Variants in PTPRD observed in about 807,000 individuals in gnomAD.
PTPRD encodes protein tyrosine phosphatase receptor type D.
A neutral mutation model predicts 214.5 loss-of-function variants in PTPRD; 34 were observed. That is an observed-to-expected ratio of 0.16 (90% CI 0.12 to 0.21). PTPRD has a LOEUF of 0.21. PTPRD is among the 10% of genes least tolerant of loss of function. The probability of loss-of-function intolerance (pLI) is 1.00; values close to 1 mark genes in which losing one functional copy is unlikely to be tolerated. For missense variants in PTPRD, 2,545 were observed against 2,398.7 expected (o/e 1.06, Z -1.27); for synonymous variants, 1,128 against 845.7 (o/e 1.33, Z -5.79).
At chr9:9,434,956 C>A (rs1056359984) in intron 8 of PTPRD, among the ~76,000 whole-genome samples, 9 of 150,246 alleles carry the variant, frequency 6.0e-5, no homozygotes, top group African/African-American at 2.2e-4. Flanking sequence ...GATAATAATA[C>A]CTGTCTCTTC....
At position 10,366,639 on chromosome 9, in the gene PTPRD, G is replaced by C. The variant is rs181856258; in HGVS notation, c.-599-25622C>G. ...TGCTATTTTTATAATTATAATCATG[G>C]GAATTCTAATTGTGAAATACATCTG... On this transcript the variant is annotated intron_variant, in intron 2 of 45. Transcript: ENST00000381196. Among the ~76,000 whole-genome samples, 67 of 152,070 alleles carry C rather than the reference G, an allele frequency of 4.4e-4. 1 individual carries two copies. Among genetic ancestry groups the C allele is most frequent in the African/African-American group, 1.4e-3 (60 of 41,496 alleles).
chr9:9,099,171 C>T (rs980665565), intron 10 of PTPRD, among the ~76,000 whole-genome samples: 3 of 152,066 alleles, frequency 2.0e-5, no homozygotes, highest in Non-Finnish European at 4.4e-5. Context: ...CAGAGCAGGC[C>T]ATGTACACAT....
At chr9:9,597,855 T>C (rs2093472506) in intron 7 of PTPRD, among the ~76,000 whole-genome samples, 1 of 152,038 alleles carries the variant, frequency 6.6e-6, no homozygotes, top group Admixed American at 6.6e-5. Flanking sequence ...TTAAATAAAA[T>C]GGAGTATGCG....
At chr9:9,974,026 T>C (rs980730965) in intron 4 of PTPRD, among the ~76,000 whole-genome samples, 1 of 152,178 alleles carries the variant, frequency 6.6e-6, no homozygotes, top group African/African-American at 2.4e-5. Flanking sequence ...ATTTAGAAAT[T>C]GTGACTCCTG....
intron 4 of PTPRD, among the ~76,000 whole-genome samples, chr9:10,006,028 A>G (rs780710535): frequency 1.7e-4 from 26 of 152,050 alleles, no homozygotes; most frequent in Non-Finnish European, 3.5e-4. Context: ...ATATACACAT[A>G]TGTACATATG....
At chr9:10,427,925 C>G (rs1328515392) in intron 2 of PTPRD, among the ~76,000 whole-genome samples, 1 of 152,044 alleles carries the variant, frequency 6.6e-6, no homozygotes, top group Non-Finnish European at 1.5e-5. Flanking sequence ...CATATTCTTT[C>G]AAAAACCATA....
At chr9:8,568,512 G>A (rs947894474) in intron 14 of PTPRD, among the ~76,000 whole-genome samples, 1 of 152,144 alleles carries the variant, frequency 6.6e-6, no homozygotes, top group African/African-American at 2.4e-5. Context: ...GAGCCAAGAA[G>A]TTTTGAAAGG....
intron 11 of PTPRD, among the ~76,000 whole-genome samples, chr9:8,922,549 CT>C (rs2098834892): frequency 6.6e-6 from 1 of 152,240 alleles, no homozygotes; most frequent in African/African-American, 2.4e-5. Context: ...TGCCATCCAA[CT>C]GCGTAGGAAC....
At chr9:10,374,817 T>A (rs186779196) in intron 2 of PTPRD, among the ~76,000 whole-genome samples, 1 of 152,160 alleles carries the variant, frequency 6.6e-6, no homozygotes, top group East Asian at 1.9e-4. Flanking sequence ...GCGGTATATA[T>A]GACTACTTGA....
At chr9:10,430,925 T>C (rs113607655) in intron 2 of PTPRD, among the ~76,000 whole-genome samples, 1 of 151,956 alleles carries the variant, frequency 6.6e-6, no homozygotes, top group Non-Finnish European at 1.5e-5. Flanking sequence ...TATTTTAAGC[T>C]TTTATACACT....
intron 4 of PTPRD, among the ~76,000 whole-genome samples, chr9:10,016,136 C>T (rs2096707226): frequency 6.6e-6 from 1 of 152,112 alleles, no homozygotes; most frequent in African/African-American, 2.4e-5. Flanking sequence ...TGTGATCTCC[C>T]TAAATATGTA....
In PTPRD at chr9:10,005,399, G is replaced by A. The variant is rs577392824; in HGVS notation, c.-472+28319C>T. ...GGTTCTACTGTGCTCAGTTCCTGCG[G>A]ACTGCTGCTTGGCTAAGTTGCAGCT... On this transcript the variant is annotated intron_variant, in intron 4 of 45. Transcript: ENST00000381196. Among the ~76,000 whole-genome samples, 72 of 152,216 alleles carry A rather than the reference G, an allele frequency of 4.7e-4. 1 individual carries two copies. In the South Asian group the frequency reaches 0.014, roughly 30 times the overall value.
At chr9:10,482,147 G>T (rs1376107098) in intron 2 of PTPRD, among the ~76,000 whole-genome samples, 4 of 152,092 alleles carry the variant, frequency 2.6e-5, no homozygotes, top group Non-Finnish European at 4.4e-5. Context: ...CCAGGCGGGA[G>T]AATCACGAGG....
At chr9:9,450,338 T>C (rs933100522) in intron 8 of PTPRD, among the ~76,000 whole-genome samples, 1 of 152,002 alleles carries the variant, frequency 6.6e-6, no homozygotes, top group East Asian at 1.9e-4. Flanking sequence ...TTAGGGAATT[T>C]CCACACTGTT....
chr9:9,928,323 G>C (rs1370239574), intron 5 of PTPRD, among the ~76,000 whole-genome samples: 2 of 152,068 alleles, frequency 1.3e-5, no homozygotes, highest in African/African-American at 4.8e-5. Flanking sequence ...TTTGTGAGTG[G>C]ATTTCATAAA....
intron 4 of PTPRD, among the ~76,000 whole-genome samples, chr9:9,948,620 T>TC (rs1339612958): frequency 2.0e-5 from 3 of 152,062 alleles, no homozygotes; most frequent in Non-Finnish European, 4.4e-5. Context: ...AAACCTTTTT[T>TC]CCCCAAAGGT....
At position 9,114,509 on chromosome 9, in the gene PTPRD, CT is replaced by C. The variant is rs2099810328; in HGVS notation, c.-143+68794del. On this transcript the variant is annotated intron_variant, in intron 10 of 45. Coordinates refer to ENST00000381196, the MANE Select transcript of PTPRD (RefSeq NM_002839.4). ...AGGGAGGGAGGTAAGCTGATTTCAT[CT>C]TGGCTAACACTTTTTAACCACATCA... is the stretch of plus-strand genomic sequence containing the variant. Among the ~76,000 whole-genome samples the C allele has an allele frequency of 2.0e-5, 3 of 152,090 alleles. No individual in the cohort carries two copies. The South Asian group carries it at 6.2e-4, about 32-fold the overall frequency.
chr9:10,484,779 G>A (rs910856221), intron 2 of PTPRD, among the ~76,000 whole-genome samples: 1 of 152,010 alleles, frequency 6.6e-6, no homozygotes, highest in Non-Finnish European at 1.5e-5. Context: ...TCCCTTGTAA[G>A]ATGTGTAGTT....
At chr9:9,396,483 C>G (rs529063620) in intron 9 of PTPRD, among the ~76,000 whole-genome samples, 4 of 151,808 alleles carry the variant, frequency 2.6e-5, no homozygotes, top group Non-Finnish European at 5.9e-5. Flanking sequence ...ATATTTTTTT[C>G]CAACATTTGC....
Sources: gnomAD v4.1 joint callset for allele counts (sites outside exome capture counted in the v4.1 genomes callset) on GRCh38, gnomAD v4.1.1 for gene constraint, MANE v1.5 for transcripts, NCBI Gene and HGNC (gene_info 2026-07-23, HGNC 2026-07-21) for gene names.